The following HIBADH variants were observed in gnomAD, a reference collection of about 807,000 sequenced individuals.
The protein encoded by HIBADH is 3-hydroxyisobutyrate dehydrogenase, mitochondrial.
In HIBADH, 25 loss-of-function variants were observed where a neutral mutation model predicts 36.1. The ratio of observed to expected loss-of-function variants is 0.69; its 90% confidence interval spans 0.50 to 0.97. The LOEUF is 0.97. Ranked by LOEUF, HIBADH falls within the 50% of genes least tolerant of loss-of-function variation. The probability of loss-of-function intolerance (pLI) is 0.00; values close to 1 mark genes in which losing one functional copy is unlikely to be tolerated. For missense variants in HIBADH, 421 were observed against 418.0 expected (o/e 1.01, Z -0.06); for synonymous variants, 160 against 149.5 (o/e 1.07, Z -0.51).
rs144904576 is a variant in HIBADH at position 27,571,818 on chromosome 7, T to C, written c.485-28718A>G. On this transcript the variant is annotated intron_variant, in intron 4 of 7. Coordinates refer to ENST00000265395, the MANE Select transcript of HIBADH (RefSeq NM_152740.4). Reference sequence around the variant, plus strand: ...AAATTAAGGTCTTAAATTTAATTATTGGTTGAGTATCTTCCCAATTGGATG... The same window carrying C: ...AAATTAAGGTCTTAAATTTAATTATCGGTTGAGTATCTTCCCAATTGGATG... Among the ~76,000 whole-genome samples the C allele has an allele frequency of 5.8e-4, 88 of 152,330 alleles. No individual in the cohort carries two copies. The East Asian group carries it at 0.014, about 24-fold the overall frequency.
chr7:27,645,400 CAG>C (rs1426025723), intron 2 of HIBADH, among the ~76,000 whole-genome samples: 1 of 34,076 alleles, frequency 2.9e-5, no homozygotes, highest in Non-Finnish European at 4.2e-5. Flanking sequence ...TTTTTTGAGA[CAG>C]AGTCTTACTC....
chr7:27,543,443 A>G (rs1308046605), intron 4 of HIBADH, among the ~76,000 whole-genome samples: 1 of 152,186 alleles, frequency 6.6e-6, no homozygotes, highest in Non-Finnish European at 1.5e-5. Flanking sequence ...CTACTAAGTT[A>G]TAGAAAGTAT....
intron 4 of HIBADH, among the ~76,000 whole-genome samples, chr7:27,623,381 T>C (rs1369842127): frequency 1.3e-5 from 2 of 152,142 alleles, no homozygotes; most frequent in Non-Finnish European, 2.9e-5. Context: ...CTATTTAACA[T>C]AGTGCTGAAA....
At chr7:27,538,252 T>C in intron 6 of HIBADH, 89 bp downstream of exon 6, 2 of 977,482 alleles carry the variant, frequency 2.0e-6, no homozygotes, top group Admixed American at 2.1e-5. Flanking sequence ...AACTCATTTA[T>C]CTCTCATGAA....
At chr7:27,649,781 C>T (rs1786145779) in intron 1 of HIBADH, 148 bp from the exon 2 acceptor site, 1 of 620,928 alleles carries the variant, frequency 1.6e-6, no homozygotes, top group South Asian at 3.4e-5. Flanking sequence ...ACCTATAATC[C>T]CAGCTACTTG....
intron 4 of HIBADH, among the ~76,000 whole-genome samples, chr7:27,557,146 A>AG (rs1186125512): frequency 5.0e-5 from 1 of 19,862 alleles, no homozygotes; most frequent in African/African-American, 5.3e-4. Flanking sequence ...TCTAAAAAGG[A>AG]AAAAAAAAAA....
At chr7:27,651,808 C>A (rs1002807074) in intron 1 of HIBADH, among the ~76,000 whole-genome samples, 3 of 152,046 alleles carry the variant, frequency 2.0e-5, no homozygotes, top group African/African-American at 7.2e-5. Context: ...AGAAATAAAC[C>A]ATGTACATAA....
intron 4 of HIBADH, among the ~76,000 whole-genome samples, chr7:27,549,285 A>T (rs1784280493): frequency 6.6e-6 from 1 of 152,206 alleles, no homozygotes; most frequent in Non-Finnish European, 1.5e-5. Flanking sequence ...TTTTATCACA[A>T]AAATAGTATG....
intron 6 of HIBADH, among the ~76,000 whole-genome samples, chr7:27,531,903 AAAG>A (rs1198834984): frequency 6.5e-5 from 4 of 61,854 alleles, no homozygotes; most frequent in African/African-American, 4.6e-4. Flanking sequence ...AGTTATTATA[AAAG>A]AAGACTTTTT....
chr7:27,548,204 A>AT (rs1784262880), intron 4 of HIBADH, among the ~76,000 whole-genome samples: 1 of 151,240 alleles, frequency 6.6e-6, no homozygotes. Flanking sequence ...CTTAAAAAAA[A>AT]AAAAAAGTAT....
intron 4 of HIBADH, among the ~76,000 whole-genome samples, chr7:27,573,926 T>C (rs1031983939): frequency 1.4e-4 from 22 of 152,250 alleles, no homozygotes; most frequent in African/African-American, 5.1e-4. Context: ...TGTTTCTTAT[T>C]ACTTTTCTAA....
At chr7:27,559,537 C>G (rs953857759) in intron 4 of HIBADH, among the ~76,000 whole-genome samples, 5 of 152,106 alleles carry the variant, frequency 3.3e-5, no homozygotes, top group African/African-American at 9.7e-5. Context: ...GAGGCTGAAG[C>G]AGAAGCATCA....
chr7:27,548,191 T>G (rs1447053959), intron 4 of HIBADH, among the ~76,000 whole-genome samples: 1 of 45,478 alleles, frequency 2.2e-5, no homozygotes, highest in Non-Finnish European at 4.2e-5. Context: ...AGCCTCTCTC[T>G]CTCTTAAAAA....
chr7:27,581,585 T>C (rs2128287524), intron 4 of HIBADH, among the ~76,000 whole-genome samples: 1 of 152,292 alleles, frequency 6.6e-6, no homozygotes, highest in Admixed American at 6.5e-5. Context: ...TTGATAAAAA[T>C]TTTATAGATT....
In HIBADH at chr7:27,621,076, G is replaced by A. The variant is rs754497427; in HGVS notation, c.484+8295C>T. Reference sequence around the variant, plus strand: ...CAGAAACCAATAGCAAGCAAGAATCGTTATACTTACATCAAACAGACTTTA... The same window carrying A: ...CAGAAACCAATAGCAAGCAAGAATCATTATACTTACATCAAACAGACTTTA... On this transcript the variant is annotated intron_variant, in intron 4 of 7. Transcript: ENST00000265395. Among the ~76,000 whole-genome samples the A allele has an allele frequency of 8.7e-5, 13 of 149,800 alleles. No individual in the cohort carries two copies. In the East Asian group the frequency reaches 1.4e-3, roughly 16 times the overall value.
intron 1 of HIBADH, among the ~76,000 whole-genome samples, chr7:27,651,458 A>T (rs1583621357): frequency 6.6e-6 from 1 of 152,242 alleles, no homozygotes; most frequent in Admixed American, 6.5e-5. Context: ...TTTTATTTTG[A>T]TATTAAACAG....
At chr7:27,616,489 G>A (rs1028325338) in intron 4 of HIBADH, among the ~76,000 whole-genome samples, 22 of 151,976 alleles carry the variant, frequency 1.4e-4, no homozygotes, top group Admixed American at 8.5e-4. Flanking sequence ...TTTAATATAG[G>A]GTTTTTCTGT....
intron 4 of HIBADH, among the ~76,000 whole-genome samples, chr7:27,613,431 A>C (rs1785368861): frequency 1.3e-5 from 2 of 151,074 alleles, no homozygotes; most frequent in African/African-American, 4.9e-5. Context: ...GAATTATATG[A>C]ACTAATTCCC....
intron 4 of HIBADH, among the ~76,000 whole-genome samples, chr7:27,613,378 T>TAGAA (rs1785367362): frequency 1.4e-5 from 2 of 146,496 alleles, no homozygotes; most frequent in Non-Finnish European, 3.0e-5. Flanking sequence ...TTTAGATAGA[T>TAGAA]AGACAGATAA....
Sources: allele counts gnomAD v4.1 joint callset (sites outside exome capture counted in the v4.1 genomes callset), GRCh38; gene constraint gnomAD v4.1.1; transcripts MANE v1.5; gene names NCBI Gene and HGNC (gene_info 2026-07-23, HGNC 2026-07-21).